NDUFA10: variants seen among roughly 807,000 people sequenced by gnomAD.
NDUFA10 encodes the protein NADH:ubiquinone oxidoreductase subunit A10, also known as NADH dehydrogenase [ubiquinone] 1 alpha subcomplex subunit 10, mitochondrial.
In NDUFA10, 40 loss-of-function variants were observed where a neutral mutation model predicts 47.8. The observed-to-expected ratio is 0.84, with a 90% CI of 0.65 to 1.09. The LOEUF (loss-of-function observed/expected upper bound fraction) is 1.09, where lower values mean the gene tolerates loss of function less well. Among genes scored for constraint, NDUFA10 ranks in the 50% least tolerant of loss-of-function variants. NDUFA10 has a pLI of 0.00. For synonymous variants in NDUFA10, 183 were observed against 172.2 expected (o/e 1.06, Z -0.49); for missense variants, 413 against 451.1 (o/e 0.92, Z 0.76).
In NDUFA10 at chr2:240,018,619, G is replaced by C. The variant is rs748559620; in HGVS notation, c.481C>G (p.Arg161Gly). ...AACACAAAGTCACTGAAGATGGAGCGCTCCAACACAACACCTTGTCCTGTT... is the reference window on the plus strand; with the variant it reads ...AACACAAAGTCACTGAAGATGGAGCCCTCCAACACAACACCTTGTCCTGTT... ...LTTGQGVVLE[R>G]SIFSDFVFLE... is the part of the protein sequence containing the mutation. The change falls in exon 4 of 10, where the codon CGC becomes GGC. Residue 161 changes from arginine (R) to glycine (G), a missense_variant. Arg to Gly is a moderately radical substitution (Grantham distance 125, BLOSUM62 -2). Coordinates refer to ENST00000252711, the MANE Select transcript of NDUFA10 (RefSeq NM_004544.4). 6.2e-7 allele frequency: 1 copy of C among 1,614,154 alleles called. No homozygotes were observed. Among genetic ancestry groups the C allele is most frequent in the Admixed American group, 1.7e-5 (1 of 60,020 alleles).
intron 6 of NDUFA10, among the ~76,000 whole-genome samples, chr2:240,008,056 C>A (rs1454187994): frequency 1.3e-5 from 2 of 152,216 alleles, no homozygotes; most frequent in Non-Finnish European, 2.9e-5. Context: ...ACTCTGCTGA[C>A]CATCTTCAAC....
chr2:239,948,612 T>C (rs1694497030), intron 4 of NDUFA10, among the ~76,000 whole-genome samples: 2 of 152,178 alleles, frequency 1.3e-5, no homozygotes, highest in South Asian at 4.1e-4. Context: ...CAAATACACG[T>C]CGGTGGGACC....
intron 8 of NDUFA10, among the ~76,000 whole-genome samples, chr2:239,999,686 G>C (rs892347383): frequency 9.9e-5 from 15 of 152,194 alleles, no homozygotes; most frequent in Admixed American, 2.0e-4. Flanking sequence ...TCTGTTCTCT[G>C]GTCAAATGTG....
At chr2:239,933,898 C>T (rs187036784) in intron 4 of NDUFA10, among the ~76,000 whole-genome samples, 244 of 152,316 alleles carry the variant, frequency 1.6e-3, no homozygotes, top group Non-Finnish European at 2.5e-3. Context: ...CACTCTGTCA[C>T]CCAGGCTGGA....
downstream of NDUFA10, among the ~76,000 whole-genome samples, chr2:239,953,324 G>A (rs1434828597): frequency 6.6e-6 from 1 of 152,182 alleles, no homozygotes; most frequent in Non-Finnish European, 1.5e-5. Flanking sequence ...AAGGCCAGGA[G>A]CCTGCAGGAG....
intron 4 of NDUFA10, among the ~76,000 whole-genome samples, chr2:239,926,315 A>G (rs1448820505): frequency 6.6e-6 from 1 of 152,240 alleles, no homozygotes; most frequent in Non-Finnish European, 1.5e-5. Flanking sequence ...ATAAACAGAA[A>G]AAACTAGCAT....
chr2:239,920,100 G>A (rs547574451), intron 4 of NDUFA10, among the ~76,000 whole-genome samples: 1 of 152,312 alleles, frequency 6.6e-6, no homozygotes, highest in East Asian at 1.9e-4. Flanking sequence ...TGGAGGTGGG[G>A]CCTTTGGGAG....
Position 239,999,640 on chromosome 2 carries a change from C to G in NDUFA10, c.890+5570G>C, listed in dbSNP as rs143827597. Among the ~76,000 whole-genome samples the G allele has an allele frequency of 4.6e-4, 70 of 152,338 alleles. No homozygotes were observed. In the East Asian group the frequency reaches 0.013, roughly 29 times the overall value. On this transcript the variant is annotated intron_variant, in intron 8 of 9. Coordinates refer to ENST00000252711, the MANE Select transcript of NDUFA10 (RefSeq NM_004544.4). ...TCCTGTTGCTTCCCTCAACCCTGCC[C>G]TGCTCTTTATCAATGGTTCCTTTAC... is the stretch of plus-strand genomic sequence containing the variant.
chr2:240,007,468 T>TA (rs1696989648), intron 6 of NDUFA10, 98 bp from the exon 7 acceptor site: 2 of 867,818 alleles, frequency 2.3e-6, no homozygotes, highest in African/African-American at 1.6e-5. Flanking sequence ...TGCTCAAATT[T>TA]AAAACCTCAC....
chr2:239,933,825 G>A (rs559032284), intron 4 of NDUFA10, among the ~76,000 whole-genome samples: 13 of 151,296 alleles, frequency 8.6e-5, no homozygotes, highest in South Asian at 2.1e-4. Context: ...TTCCATAAGC[G>A]GATTGGATCA....
At chr2:239,984,091 G>A (rs1308568286) in intron 9 of NDUFA10, among the ~76,000 whole-genome samples, 1 of 151,992 alleles carries the variant, frequency 6.6e-6, no homozygotes, top group East Asian at 1.9e-4. Context: ...AAATTAGCTG[G>A]GCATGGTAGC....
At chr2:239,919,038 C>T (rs887990661) in intron 4 of NDUFA10, among the ~76,000 whole-genome samples, 1 of 152,212 alleles carries the variant, frequency 6.6e-6, no homozygotes, top group Non-Finnish European at 1.5e-5. Flanking sequence ...CTGAAGACAG[C>T]AGGGATGGGA....
chr2:239,920,247 T>C (rs7572818), intron 4 of NDUFA10, among the ~76,000 whole-genome samples: 34,708 of 152,204 alleles, frequency 0.23, 5,596 homozygotes, highest in African/African-American at 0.46. Context: ...AGGAACAGAA[T>C]ACCTCAGCAC....
chr2:239,963,613 G>A (rs991849841), intron 9 of NDUFA10, among the ~76,000 whole-genome samples: 6 of 152,198 alleles, frequency 3.9e-5, no homozygotes, highest in East Asian at 1.9e-4. Context: ...GTAAGTGTCC[G>A]GTCTGCTTAT....
At chr2:239,943,909 G>C (rs996981449) in intron 4 of NDUFA10, among the ~76,000 whole-genome samples, 1 of 152,176 alleles carries the variant, frequency 6.6e-6, no homozygotes, top group Non-Finnish European at 1.5e-5. Flanking sequence ...GGAGCTAAAG[G>C]CATGGGGCAG....
chr2:239,963,768 C>T (rs959516244), intron 9 of NDUFA10, among the ~76,000 whole-genome samples: 6 of 152,184 alleles, frequency 3.9e-5, no homozygotes, highest in Admixed American at 6.5e-5. Flanking sequence ...CCATGTGAGC[C>T]GACCATCCAG....
chr2:240,014,681 T>C, intron 5 of NDUFA10, 58 bp downstream of exon 5: 1 of 1,611,950 alleles, frequency 6.2e-7, no homozygotes, highest in Non-Finnish European at 8.5e-7. Context: ...ACAGGGCTTT[T>C]AGTGCTGATC....
At chr2:240,007,097 C>T (rs2106474311) in intron 7 of NDUFA10, among the ~76,000 whole-genome samples, 1 of 152,298 alleles carries the variant, frequency 6.6e-6, no homozygotes, top group African/African-American at 2.4e-5. Context: ...TCTGTGACAT[C>T]TGTAATTTTC....
chr2:239,955,561 G>A (rs1000416379), downstream of NDUFA10, among the ~76,000 whole-genome samples: 29 of 152,186 alleles, frequency 1.9e-4, no homozygotes, highest in Admixed American at 1.2e-3. Context: ...CCCAGGACAC[G>A]GGGGTTGGCA....
Sources: gnomAD v4.1 joint callset for allele counts (sites outside exome capture counted in the v4.1 genomes callset) on GRCh38, gnomAD v4.1.1 for gene constraint, MANE v1.5 for transcripts, NCBI Gene and HGNC (gene_info 2026-07-23, HGNC 2026-07-21) for gene names.